The following SLC24A3 variants were observed in gnomAD, a reference collection of about 807,000 sequenced individuals.
The protein encoded by SLC24A3 is solute carrier family 24 member 3.
Under a neutral mutation model 75.8 loss-of-function variants are expected in SLC24A3, and 28 were observed. The observed-to-expected ratio is 0.37, with a 90% CI of 0.27 to 0.51. SLC24A3 has a LOEUF of 0.51. Ranked by LOEUF, SLC24A3 falls within the 20% of genes least tolerant of loss-of-function variation. The pLI is 0.94. For missense variants in SLC24A3, 663 were observed against 847.8 expected, an observed-to-expected ratio of 0.78 and a Z score of 2.71; for synonymous variants, 372 against 334.1, an observed-to-expected ratio of 1.11 and a Z score of -1.24.
rs77198466 is a variant in SLC24A3 at position 19,303,784 on chromosome 20, A to G, written c.271+22697A>G. Among the ~76,000 whole-genome samples the G allele has an allele frequency of 3.8e-3, 573 of 152,324 alleles. 14 individuals are homozygous for G. Among genetic ancestry groups the G allele is most frequent in the Admixed American group, 0.033 (504 of 15,300 alleles). On this transcript the variant is annotated intron_variant, in intron 2 of 16. Coordinates refer to ENST00000328041, the MANE Select transcript of SLC24A3 (RefSeq NM_020689.4). Reference sequence around the variant, plus strand: ...AAGGATGAGAAAAAACTCATGCATGATAGGAGGTTATCCCTGAGGCTAAGT... The same window carrying G: ...AAGGATGAGAAAAAACTCATGCATGGTAGGAGGTTATCCCTGAGGCTAAGT...
intron 1 of SLC24A3, among the ~76,000 whole-genome samples, chr20:19,229,957 T>A (rs1285941591): frequency 6.6e-6 from 1 of 152,170 alleles, no homozygotes; most frequent in Non-Finnish European, 1.5e-5. Context: ...CCTTGTAATC[T>A]TAGCCTTTTC....
At chr20:19,351,642 A>G (rs539310600) in intron 2 of SLC24A3, among the ~76,000 whole-genome samples, 5 of 152,230 alleles carry the variant, frequency 3.3e-5, no homozygotes, top group African/African-American at 1.2e-4. Context: ...GGTATCTGTC[A>G]GCATCTTTTA....
chr20:19,292,620 T>C (rs370347262), intron 2 of SLC24A3, among the ~76,000 whole-genome samples: 5 of 151,890 alleles, frequency 3.3e-5, no homozygotes, highest in African/African-American at 1.2e-4. Context: ...GTAGGCCGAG[T>C]ATGCAGGCTG....
intron 2 of SLC24A3, among the ~76,000 whole-genome samples, chr20:19,490,374 A>G (rs1298047374): frequency 3.3e-5 from 5 of 152,188 alleles, no homozygotes; most frequent in Non-Finnish European, 7.4e-5. Context: ...TCATCCACAA[A>G]GCCAAGAGAG....
At chr20:19,652,429 A>G (rs2032216427) in intron 6 of SLC24A3, among the ~76,000 whole-genome samples, 1 of 152,226 alleles carries the variant, frequency 6.6e-6, no homozygotes, top group Admixed American at 6.5e-5. Context: ...AATTTAATCT[A>G]TTGCATAAAT....
intron 2 of SLC24A3, among the ~76,000 whole-genome samples, chr20:19,449,343 A>G (rs1188731596): frequency 2.0e-5 from 3 of 152,206 alleles, no homozygotes; most frequent in African/African-American, 4.8e-5. Flanking sequence ...ATTCTGCCCC[A>G]GATGTGGGAT....
chr20:19,639,153 G>T (rs1412186176), intron 6 of SLC24A3, among the ~76,000 whole-genome samples: 1 of 152,060 alleles, frequency 6.6e-6, no homozygotes, highest in African/African-American at 2.4e-5. Context: ...AGACACAAAG[G>T]TTCTCCACCT....
chr20:19,561,606 T>A (rs1324762625), intron 3 of SLC24A3, among the ~76,000 whole-genome samples: 1 of 152,208 alleles, frequency 6.6e-6, no homozygotes, highest in Non-Finnish European at 1.5e-5. Context: ...AATCCACTTC[T>A]ACTCAGTTGG....
chr20:19,305,422 A>T (rs983162008), intron 2 of SLC24A3, among the ~76,000 whole-genome samples: 1 of 151,998 alleles, frequency 6.6e-6, no homozygotes, highest in Non-Finnish European at 1.5e-5. Flanking sequence ...GGTGCATCAC[A>T]TGCTAAGAGT....
intron 2 of SLC24A3, among the ~76,000 whole-genome samples, chr20:19,458,079 G>T (rs957829652): frequency 6.6e-6 from 1 of 152,162 alleles, no homozygotes; most frequent in Non-Finnish European, 1.5e-5. Context: ...GCAGGGCAGG[G>T]TGGGAGCTAC....
At chr20:19,327,788 C>T (rs371568493) in intron 2 of SLC24A3, among the ~76,000 whole-genome samples, 12 of 152,090 alleles carry the variant, frequency 7.9e-5, no homozygotes, top group South Asian at 2.1e-4. Flanking sequence ...TGTAGAAGCG[C>T]GTTCATTCAT....
chr20:19,366,810 T>C (rs1372839038), intron 2 of SLC24A3, among the ~76,000 whole-genome samples: 1 of 152,132 alleles, frequency 6.6e-6, no homozygotes, highest in African/African-American at 2.4e-5. Context: ...AGGTAAAATA[T>C]CAGTAAAAGA....
At chr20:19,662,479 A>AGGAGATTTAATAGAACTGCGAAAAT (rs2032338807) in intron 7 of SLC24A3, among the ~76,000 whole-genome samples, 2 of 152,370 alleles carry the variant, frequency 1.3e-5, no homozygotes, top group Admixed American at 1.3e-4. Flanking sequence ...CCTTCCTTCC[A>AGGAGATTTAATAGAACTGCGAAAAT]GGAGATTTAA....
chr20:19,221,978 G>T (rs1374246846), intron 1 of SLC24A3, among the ~76,000 whole-genome samples: 1 of 151,920 alleles, frequency 6.6e-6, no homozygotes, highest in African/African-American at 2.4e-5. Context: ...TCTATTATTT[G>T]GGTGTTTGAC....
intron 2 of SLC24A3, among the ~76,000 whole-genome samples, chr20:19,362,198 C>T (rs760800319): frequency 5.9e-5 from 9 of 152,184 alleles, no homozygotes; most frequent in African/African-American, 1.4e-4. Context: ...GCAACATAGA[C>T]GCAGGAGATG....
At chr20:19,544,439 G>A (rs747199966) in intron 3 of SLC24A3, among the ~76,000 whole-genome samples, 42 of 152,196 alleles carry the variant, frequency 2.8e-4, no homozygotes, top group Middle Eastern at 6.8e-3. Context: ...CAGAGAGCTC[G>A]AAAGAAAAAA....
chr20:19,665,089 T>C (rs1202831100), intron 7 of SLC24A3, among the ~76,000 whole-genome samples: 1 of 152,238 alleles, frequency 6.6e-6, no homozygotes, highest in East Asian at 1.9e-4. Context: ...GATTAAATCC[T>C]GCCGTGTATT....
At chr20:19,269,720 A>G (rs550992101) in intron 1 of SLC24A3, among the ~76,000 whole-genome samples, 1 of 152,066 alleles carries the variant, frequency 6.6e-6, no homozygotes, top group Admixed American at 6.5e-5. Flanking sequence ...TGGGTGGGGT[A>G]TGGCTGACAC....
At chr20:19,353,903 CAGTT>C (rs925713737) in intron 2 of SLC24A3, among the ~76,000 whole-genome samples, 1 of 152,182 alleles carries the variant, frequency 6.6e-6, no homozygotes, top group Non-Finnish European at 1.5e-5. Context: ...TCTTGGAAAA[CAGTT>C]TGGAGTTTCT....
Sources: gnomAD v4.1 joint callset for allele counts (sites outside exome capture counted in the v4.1 genomes callset) on GRCh38, gnomAD v4.1.1 for gene constraint, MANE v1.5 for transcripts, NCBI Gene and HGNC (gene_info 2026-07-23, HGNC 2026-07-21) for gene names.